Variants in MCPH1 observed in about 807,000 individuals in gnomAD.
The protein encoded by MCPH1 is microcephalin 1, also known as microcephalin.
In MCPH1, 104 loss-of-function variants were observed where a neutral mutation model predicts 84.5. That is an observed-to-expected ratio of 1.23 (90% CI 1.05 to 1.45). The LOEUF is 1.45. Among genes scored for constraint, MCPH1 ranks in the 40% most tolerant of loss-of-function variants. The pLI is 0.00. For missense variants in MCPH1, 1,498 were observed against 1,005.7 expected (o/e 1.49, Z -6.62); for synonymous variants, 514 against 366.8 (o/e 1.40, Z -4.58).
chr8:6,572,938 T>C (rs1182895152), intron 12 of MCPH1, among the ~76,000 whole-genome samples: 3 of 152,210 alleles, frequency 2.0e-5, no homozygotes, highest in African/African-American at 7.2e-5. Context: ...CTGTTACTTA[T>C]TTAAGAAGAA....
At chr8:6,519,608 G>T (rs1816923460) in intron 12 of MCPH1, among the ~76,000 whole-genome samples, 1 of 152,162 alleles carries the variant, frequency 6.6e-6, no homozygotes, top group African/African-American at 2.4e-5. Flanking sequence ...AAAATGCAAG[G>T]AGAATGTATT....
At chr8:6,466,867 C>T (rs1327781199) in intron 9 of MCPH1, among the ~76,000 whole-genome samples, 2 of 152,216 alleles carry the variant, frequency 1.3e-5, no homozygotes, top group African/African-American at 4.8e-5. Flanking sequence ...TGAGCCAACG[C>T]GCCCTGCCCT....
At chr8:6,424,755 G>A (rs1031555293) in intron 3 of MCPH1, among the ~76,000 whole-genome samples, 2 of 152,198 alleles carry the variant, frequency 1.3e-5, no homozygotes, top group Admixed American at 1.3e-4. Flanking sequence ...AACTTCCTAC[G>A]GTTATTTAGT....
chr8:6,635,668 C>A (rs915512870), intron 13 of MCPH1, among the ~76,000 whole-genome samples: 5 of 152,176 alleles, frequency 3.3e-5, no homozygotes, highest in African/African-American at 1.2e-4. Context: ...CAGAAAGGAG[C>A]TGTCGGTTCT....
intron 12 of MCPH1, among the ~76,000 whole-genome samples, chr8:6,510,128 G>T (rs1467126098): frequency 1.3e-5 from 2 of 151,730 alleles, no homozygotes; most frequent in Non-Finnish European, 2.9e-5. Flanking sequence ...TAAGGGAAGG[G>T]AGAAGACAAT....
At chr8:6,612,643 G>C (rs1440651332) in intron 12 of MCPH1, among the ~76,000 whole-genome samples, 1 of 152,210 alleles carries the variant, frequency 6.6e-6, no homozygotes, top group African/African-American at 2.4e-5. Flanking sequence ...CAGCTGGCTG[G>C]CCTGCCTCTG....
At chr8:6,586,247 C>G (rs1249516671) in intron 12 of MCPH1, among the ~76,000 whole-genome samples, 3 of 152,174 alleles carry the variant, frequency 2.0e-5, no homozygotes, top group Non-Finnish European at 4.4e-5. Flanking sequence ...AGGTGTGAGC[C>G]ACCATGCCCA....
chr8:6,543,868 C>A (rs1004328548), intron 12 of MCPH1, among the ~76,000 whole-genome samples: 6 of 152,096 alleles, frequency 3.9e-5, no homozygotes, highest in African/African-American at 1.4e-4. Context: ...GTACATCTGC[C>A]TGGGCTTTGC....
chr8:6,557,789 T>C (rs537139167), intron 12 of MCPH1, among the ~76,000 whole-genome samples: 2 of 152,164 alleles, frequency 1.3e-5, no homozygotes, highest in East Asian at 1.9e-4. Context: ...TCCTGGAAAT[T>C]GTGAACAGCT....
chr8:6,406,844 C>T (rs1356652979), intron 1 of MCPH1, 155 bp downstream of exon 1: 13 of 42,002 alleles, frequency 3.1e-4, no homozygotes, highest in East Asian at 8.6e-4. Context: ...CTTCCTCCCC[C>T]GCTGCCTGTC....
intron 12 of MCPH1, among the ~76,000 whole-genome samples, chr8:6,547,798 C>G (rs144824348): frequency 8.2e-4 from 125 of 152,136 alleles, no homozygotes; most frequent in African/African-American, 2.7e-3. Context: ...AATGCGGGGC[C>G]AGGGGAGCAC....
intron 12 of MCPH1, among the ~76,000 whole-genome samples, chr8:6,503,906 G>T (rs371020843): frequency 1.3e-5 from 2 of 152,296 alleles, no homozygotes; most frequent in East Asian, 3.9e-4. Context: ...GAGCATGCTG[G>T]GGTTTGTGAG....
At chr8:6,617,984 C>G (rs901742062) in intron 12 of MCPH1, among the ~76,000 whole-genome samples, 2 of 150,208 alleles carry the variant, frequency 1.3e-5, no homozygotes, top group African/African-American at 4.9e-5. Context: ...GTTGCCCAGG[C>G]TGGTCTCAAA....
intron 12 of MCPH1, among the ~76,000 whole-genome samples, chr8:6,522,773 CAA>C (rs199503821): frequency 7.7e-6 from 1 of 130,380 alleles, no homozygotes. Flanking sequence ...GACATCGTCT[CAA>C]AAAAAAAAAA....
chr8:6,445,578 C>G (rs375019116), intron 8 of MCPH1, 31 bp downstream of exon 8: 4 of 1,550,000 alleles, frequency 2.6e-6, no homozygotes, highest in Middle Eastern at 1.7e-4. Flanking sequence ...AAGTCACCTT[C>G]GCTAAATAAA....
chr8:6,414,255 G>A lies in MCPH1; in HGVS notation c.115-510G>A, dbSNP rs567270788. Among the ~76,000 whole-genome samples the A allele has an allele frequency of 3.0e-3, 462 of 152,324 alleles. 1 individual carries two copies. Among genetic ancestry groups the A allele is most frequent in the Non-Finnish European group, 5.1e-3 (347 of 68,024 alleles). On this transcript the variant is annotated intron_variant, in intron 2 of 13. Coordinates refer to ENST00000344683, the MANE Select transcript of MCPH1 (RefSeq NM_024596.5). The stretch of plus-strand genomic sequence containing the variant: ...ACTGCTGACCTCAGGTGATCCACCT[G>A]CCTCGGCCTCCCAAAGTGCTGGGAT...
At chr8:6,479,867 T>C (rs951955369) in intron 10 of MCPH1, among the ~76,000 whole-genome samples, 1 of 152,218 alleles carries the variant, frequency 6.6e-6, no homozygotes, top group African/African-American at 2.4e-5. Flanking sequence ...TAAGCCATAA[T>C]GGTCATGAGC....
rs968796941 is a variant in MCPH1 at position 6,451,295 on chromosome 8, A to G, written c.1826-3848A>G. On this transcript the variant is annotated intron_variant, in intron 8 of 13. Coordinates refer to ENST00000344683, the MANE Select transcript of MCPH1 (RefSeq NM_024596.5). ...TTGGTTGATTCATTCATTCATTTACATATTCATTTTTTATCTGTCAGATGT... is the reference window on the plus strand; with the variant it reads ...TTGGTTGATTCATTCATTCATTTACGTATTCATTTTTTATCTGTCAGATGT... Among the ~76,000 whole-genome samples, 7 of 152,200 alleles carry G rather than the reference A, an allele frequency of 4.6e-5. No individual in the cohort carries two copies. In the South Asian group the frequency reaches 6.2e-4, roughly 13 times the overall value.
At chr8:6,446,960 G>A (rs932160386) in intron 8 of MCPH1, 1 of 985,280 alleles carries the variant, frequency 1.0e-6, no homozygotes, top group African/African-American at 1.7e-5. Context: ...AGGCACCCTG[G>A]TGGGGACGGA....
Sources: gnomAD v4.1 joint callset for allele counts (sites outside exome capture counted in the v4.1 genomes callset) on GRCh38, gnomAD v4.1.1 for gene constraint, MANE v1.5 for transcripts, NCBI Gene and HGNC (gene_info 2026-07-23, HGNC 2026-07-21) for gene names.